Variants in NBAS observed in about 807,000 individuals in gnomAD.
NBAS encodes NBAS subunit of NRZ tethering complex.
NBAS carries 219 observed loss-of-function variants against 302.5 expected under a neutral mutation model. That is an observed-to-expected ratio of 0.72 (90% CI 0.65 to 0.81). The LOEUF is 0.81. Ranked by LOEUF, NBAS falls within the 30% of genes least tolerant of loss-of-function variation. The pLI is 0.00. For missense variants in NBAS, 2,932 were observed against 2,841.6 expected (o/e 1.03, Z -0.72); for synonymous variants, 1,118 against 1,021.6 (o/e 1.09, Z -1.80).
intron 11 of NBAS, among the ~76,000 whole-genome samples, chr2:15,498,331 T>G (rs1343525245): frequency 3.9e-5 from 6 of 152,168 alleles, no homozygotes; most frequent in Non-Finnish European, 8.8e-5. Context: ...GTTGTGAAGT[T>G]TAACAGATAA....
At chr2:15,547,246 T>C (rs550796872) in intron 6 of NBAS, among the ~76,000 whole-genome samples, 6 of 152,224 alleles carry the variant, frequency 3.9e-5, no homozygotes, top group African/African-American at 1.4e-4. Flanking sequence ...CTCTGCAATA[T>C]GTAGTTTCAA....
At chr2:15,487,678 G>A (rs1680689533) in intron 12 of NBAS, among the ~76,000 whole-genome samples, 1 of 152,150 alleles carries the variant, frequency 6.6e-6, no homozygotes, top group African/African-American at 2.4e-5. Context: ...GACATCCCCA[G>A]CTAAATACAT....
chr2:15,242,152 T>C (rs1667894075), intron 44 of NBAS, among the ~76,000 whole-genome samples: 1 of 152,186 alleles, frequency 6.6e-6, no homozygotes, highest in African/African-American at 2.4e-5. Flanking sequence ...AGTCTAGCCC[T>C]CACACTGAAG....
At chr2:14,910,875 C>G in the NBAS span, among the ~76,000 whole-genome samples, 1 of 152,154 alleles carries the variant, frequency 6.6e-6, no homozygotes, top group Non-Finnish European at 1.5e-5. Context: ...CAAAATTGTA[C>G]TGGGGATAGT....
intron 38 of NBAS, among the ~76,000 whole-genome samples, chr2:15,312,323 G>A (rs1019428168): frequency 3.3e-5 from 5 of 152,084 alleles, no homozygotes; most frequent in Non-Finnish European, 7.4e-5. Context: ...TGCCCAGGCT[G>A]TAGTAGAATG....
At chr2:15,007,916 A>C in the NBAS span, among the ~76,000 whole-genome samples, 1 of 152,262 alleles carries the variant, frequency 6.6e-6, no homozygotes, top group East Asian at 1.9e-4. Context: ...TAAAATGCAG[A>C]TAATAATACC....
At chr2:15,095,971 G>C in the NBAS span, among the ~76,000 whole-genome samples, 2 of 152,184 alleles carry the variant, frequency 1.3e-5, no homozygotes, top group South Asian at 4.1e-4. Flanking sequence ...CAGCTTCCCT[G>C]GTGCCAGAGC....
intron 21 of NBAS, 82 bp from the exon 22 acceptor site, chr2:15,427,876 A>G (rs185626436): frequency 2.0e-6 from 2 of 1,008,168 alleles, no homozygotes; most frequent in East Asian, 2.6e-5. Flanking sequence ...TGCAAACAGC[A>G]TCTCTATAAC....
At chr2:15,288,098 C>A (rs528303416) in intron 41 of NBAS, among the ~76,000 whole-genome samples, 23 of 152,358 alleles carry the variant, frequency 1.5e-4, no homozygotes, top group Non-Finnish European at 2.8e-4. Flanking sequence ...AAGATATGAA[C>A]TAGACTCCAG....
the NBAS span, among the ~76,000 whole-genome samples, chr2:15,020,646 C>T: frequency 1.3e-5 from 2 of 152,210 alleles, no homozygotes; most frequent in African/African-American, 4.8e-5. Flanking sequence ...GAGAACTCCA[C>T]TCCTGAGAGC....
At chr2:15,097,519 A>G in the NBAS span, among the ~76,000 whole-genome samples, 1 of 152,130 alleles carries the variant, frequency 6.6e-6, no homozygotes, top group African/African-American at 2.4e-5. Flanking sequence ...TGTTCCTCAC[A>G]GTTTTGATGC....
chr2:15,383,133 T>C, intron 29 of NBAS, 82 bp downstream of exon 29: 1 of 1,171,808 alleles, frequency 8.5e-7, no homozygotes, highest in Non-Finnish European at 1.3e-6. Context: ...GGGTAGCTTA[T>C]GGTCATCAAT....
chr2:14,791,841 T>TAAAA, the NBAS span, among the ~76,000 whole-genome samples: 1 of 150,206 alleles, frequency 6.7e-6, no homozygotes, highest in African/African-American at 2.5e-5. Flanking sequence ...AATAAATAAA[T>TAAAA]AAAATGGGCC....
At chr2:14,819,334 G>A in the NBAS span, among the ~76,000 whole-genome samples, 1 of 152,232 alleles carries the variant, frequency 6.6e-6, no homozygotes, top group Non-Finnish European at 1.5e-5. Context: ...ACCAGAAGGA[G>A]TGTTACAGCT....
chr2:14,844,082 C>T, the NBAS span, among the ~76,000 whole-genome samples: 2 of 152,116 alleles, frequency 1.3e-5, no homozygotes, highest in African/African-American at 4.8e-5. Context: ...TAAGGGAGTG[C>T]CTGTCTGCAC....
At chr2:15,456,391 T>C (rs562005483) in intron 21 of NBAS, among the ~76,000 whole-genome samples, 1 of 152,328 alleles carries the variant, frequency 6.6e-6, no homozygotes, top group Admixed American at 6.5e-5. Flanking sequence ...AAATTTAATA[T>C]AGCTTGAACT....
chr2:15,515,002 A>G (rs1445713452), intron 9 of NBAS, among the ~76,000 whole-genome samples: 1 of 152,234 alleles, frequency 6.6e-6, no homozygotes, highest in Admixed American at 6.5e-5. Context: ...GTGTTGTTCC[A>G]ATCAGACAGA....
intron 21 of NBAS, among the ~76,000 whole-genome samples, chr2:15,450,503 T>C (rs1678955117): frequency 6.6e-6 from 1 of 152,196 alleles, no homozygotes; most frequent in Non-Finnish European, 1.5e-5. Context: ...ACCCTCCTCA[T>C]ATAACACATT....
chr2:14,779,887 T>C, the NBAS span, among the ~76,000 whole-genome samples: 1 of 152,240 alleles, frequency 6.6e-6, no homozygotes, highest in Admixed American at 6.5e-5. Context: ...GTGAATTCTA[T>C]AGTATCGTGA....
Sources: gnomAD v4.1 joint callset for allele counts (sites outside exome capture counted in the v4.1 genomes callset) on GRCh38, gnomAD v4.1.1 for gene constraint, MANE v1.5 for transcripts, NCBI Gene and HGNC (gene_info 2026-07-23, HGNC 2026-07-21) for gene names.